Variants in NSD3 observed in about 807,000 individuals in gnomAD.
NSD3 encodes nuclear receptor binding SET domain protein 3, also known as histone-lysine N-methyltransferase NSD3.
In NSD3, 24 loss-of-function variants were observed where a neutral mutation model predicts 160.8. The observed-to-expected ratio is 0.15, with a 90% CI of 0.11 to 0.21. The LOEUF is 0.21. Ranked by LOEUF, NSD3 falls within the 10% of genes least tolerant of loss-of-function variation. The pLI, the probability that NSD3 is intolerant of heterozygous loss-of-function variation, is 1.00. For synonymous variants in NSD3, 520 were observed against 600.0 expected (o/e 0.87, Z 1.95); for missense variants, 1,157 against 1,735.9 (o/e 0.67, Z 5.93).
intron 15 of NSD3, among the ~76,000 whole-genome samples, chr8:38,298,127 C>G (rs936377957): frequency 6.6e-5 from 10 of 152,102 alleles, no homozygotes; most frequent in African/African-American, 2.4e-4. Context: ...GTTAAGCAAA[C>G]AGAGGGCTCA....
intron 18 of NSD3, among the ~76,000 whole-genome samples, chr8:38,289,093 C>T (rs1808934920): frequency 6.6e-6 from 1 of 152,142 alleles, no homozygotes; most frequent in African/African-American, 2.4e-5. Context: ...GGCGGGATAA[C>T]CTGGTAGAAC....
rs937942949 is a variant in NSD3 at position 38,299,646 on chromosome 8, G to A, written c.2612-56C>T. On this transcript the variant is annotated intron_variant, in intron 14 of 23. Coordinates refer to ENST00000317025, the MANE Select transcript of NSD3 (RefSeq NM_023034.2). ...GCAATGAAACTACCCATGATTCCAT[G>A]AGGAAAAAATAAACCAACACCTATT... 12 of 1,449,322 alleles carry A rather than the reference G, an allele frequency of 8.3e-6. No individual in the cohort carries two copies. In the Admixed American group the frequency reaches 2.3e-4, roughly 27 times the overall value. The allele number at this position is 1,449,322 out of a possible 1,614,324, so 89.8% of individuals were successfully genotyped here.
intron 18 of NSD3, among the ~76,000 whole-genome samples, chr8:38,289,186 A>G (rs966761697): frequency 1.3e-5 from 2 of 152,204 alleles, no homozygotes; most frequent in Admixed American, 6.5e-5. Flanking sequence ...CACAATAACT[A>G]TGGCTCCCAT....
rs1464601057 is a variant in NSD3 at position 38,327,007 on chromosome 8, A to G, written c.1582-151T>C. The stretch of plus-strand genomic sequence containing the variant: ...ATTAAGTTATCTTAGCCTTTATCAG[A>G]AATTTGATTAAGTGATCAAGATACT... On this transcript the variant is annotated intron_variant, in intron 6 of 23. Transcript: ENST00000317025. The G allele has an allele frequency of 4.5e-6, 4 of 882,966 alleles. No individual in the cohort carries two copies. The African/African-American group carries it at 6.9e-5, about 15-fold the overall frequency. The allele number at this position is 882,966 out of a possible 1,614,324, so 54.7% of individuals were successfully genotyped here.
At chr8:38,306,152 C>A (rs961176547) in intron 12 of NSD3, among the ~76,000 whole-genome samples, 2 of 151,900 alleles carry the variant, frequency 1.3e-5, no homozygotes, top group Non-Finnish European at 2.9e-5. Context: ...AAAACTGATA[C>A]CTCTGGTAAG....
chr8:38,315,290 T>G, intron 11 of NSD3, 126 bp downstream of exon 11: 2 of 1,179,508 alleles, frequency 1.7e-6, no homozygotes, highest in Non-Finnish European at 2.3e-6. Context: ...AGGTTTTATA[T>G]CTGTAGCTTT....
At position 38,321,586 on chromosome 8, in the gene NSD3, T is replaced by C. The variant is rs1476706109; in HGVS notation, c.1709-414A>G. On this transcript the variant is annotated intron_variant, in intron 7 of 23. Transcript: ENST00000317025. This position sits in a 1 kb window ranked among gnomAD's most constrained non-coding sequence, Gnocchi z 4.7. Reference sequence around the variant, plus strand: ...AATTATTGGTTCAAAATTCAATCAGTGCCACACATTCTGCATTTTAACAAA... The same window carrying C: ...AATTATTGGTTCAAAATTCAATCAGCGCCACACATTCTGCATTTTAACAAA... 6.6e-6 allele frequency among the ~76,000 whole-genome samples: 1 copy of C among 152,204 alleles called. No homozygotes were observed. The highest frequency in any genetic ancestry group is 6.5e-5 in the Admixed American group (1 of 15,278).
At chr8:38,380,645 G>A (rs2150400023) in intron 1 of NSD3, 1 of 152,240 alleles carries the variant, frequency 6.6e-6, no homozygotes, top group East Asian at 1.9e-4. Flanking sequence ...GTAAAGAGAG[G>A]GAGAAAAGCA....
chr8:38,310,936 C>T (rs933398209), intron 12 of NSD3, among the ~76,000 whole-genome samples: 2 of 152,032 alleles, frequency 1.3e-5, no homozygotes, highest in Non-Finnish European at 1.5e-5. Context: ...TATATCCCCA[C>T]CAACAATGCA....
At chr8:38,356,649 T>C (rs1228624394) in intron 1 of NSD3, among the ~76,000 whole-genome samples, 1 of 152,240 alleles carries the variant, frequency 6.6e-6, no homozygotes, top group Non-Finnish European at 1.5e-5. Flanking sequence ...GTATTCATAA[T>C]GTGCTAAATT....
At chr8:38,359,615 C>A (rs1031123173) in intron 1 of NSD3, among the ~76,000 whole-genome samples, 3 of 152,186 alleles carry the variant, frequency 2.0e-5, no homozygotes, top group African/African-American at 7.2e-5. Context: ...CTTTTATTCA[C>A]TGAAAGCAGC....
At chr8:38,337,182 C>A (rs940092484) in intron 4 of NSD3, 123 bp downstream of exon 4, 1 of 884,586 alleles carries the variant, frequency 1.1e-6, no homozygotes. Flanking sequence ...AAAACTGATA[C>A]GGATATGCAC....
Position 38,278,302 on chromosome 8 carries a change from T to C in NSD3, c.3867+4A>G. 2 of 1,613,676 alleles carry C rather than the reference T, an allele frequency of 1.2e-6. No homozygotes were observed. Among genetic ancestry groups the C allele is most frequent in the Non-Finnish European group, 1.7e-6 (2 of 1,179,764 alleles). ...GACTGGGGGCGCTCCCCTGCAAGACTGACCTTTGGCCGCACTCCTAGAAAA... is the reference window on the plus strand; with the variant it reads ...GACTGGGGGCGCTCCCCTGCAAGACCGACCTTTGGCCGCACTCCTAGAAAA... On this transcript the variant is annotated splice_donor_region_variant and intron_variant, in intron 22 of 23. Coordinates refer to ENST00000317025, the MANE Select transcript of NSD3 (RefSeq NM_023034.2).
intron 12 of NSD3, 122 bp downstream of exon 12, chr8:38,314,525 G>T: frequency 7.2e-7 from 1 of 1,394,028 alleles, no homozygotes; most frequent in Non-Finnish European, 9.6e-7. Context: ...AATACCTTTG[G>T]GAAGAGAGGA....
chr8:38,368,968 T>TG (rs2150394165), intron 1 of NSD3, among the ~76,000 whole-genome samples: 1 of 152,326 alleles, frequency 6.6e-6, no homozygotes, highest in South Asian at 2.1e-4. Context: ...TCTTAAAATT[T>TG]TGCAAGCATT....
chr8:38,322,107 C>T (rs1466124917), intron 7 of NSD3, among the ~76,000 whole-genome samples: 1 of 152,126 alleles, frequency 6.6e-6, no homozygotes, highest in East Asian at 1.9e-4. Context: ...GCCACTAAGA[C>T]CTATAAAATC....
At chr8:38,292,219 A>G (rs1563344473) in intron 16 of NSD3, among the ~76,000 whole-genome samples, 1 of 152,264 alleles carries the variant, frequency 6.6e-6, no homozygotes, top group Non-Finnish European at 1.5e-5. Flanking sequence ...TTTTTCAATT[A>G]TGAAAGCAGT....
chr8:38,284,240 C>T (rs1808804048), intron 19 of NSD3, among the ~76,000 whole-genome samples: 1 of 152,216 alleles, frequency 6.6e-6, no homozygotes, highest in South Asian at 2.1e-4. Context: ...ACACTGTCAG[C>T]CTCAAATAGC....
chr8:38,309,650 A>C (rs752876523), intron 12 of NSD3, among the ~76,000 whole-genome samples: 16 of 151,938 alleles, frequency 1.1e-4, no homozygotes, highest in Non-Finnish European at 1.9e-4. Context: ...CAAAAAAAAG[A>C]AGTCAGTCCA....
Sources: gnomAD v4.1 joint callset for allele counts (sites outside exome capture counted in the v4.1 genomes callset) on GRCh38, gnomAD v4.1.1 for gene constraint, Gnocchi (gnomAD v3.1) non-coding constraint, MANE v1.5 for transcripts, NCBI Gene and HGNC (gene_info 2026-07-23, HGNC 2026-07-21) for gene names.